Variants in MRNIP observed in about 807,000 individuals in gnomAD.
MRNIP encodes the protein MRN complex-interacting protein.
MRNIP carries 30 observed loss-of-function variants against 29.8 expected under a neutral mutation model. The observed-to-expected ratio is 1.01, with a 90% CI of 0.75 to 1.36. The LOEUF (loss-of-function observed/expected upper bound fraction) is 1.36. MRNIP is among the 40% of genes most tolerant of loss of function. The pLI is 0.00. For missense variants in MRNIP, 459 were observed against 423.5 expected (o/e 1.08, Z -0.74); for synonymous variants, 201 against 164.1 (o/e 1.23, Z -1.72).
chr5:179,846,276 G>C (rs1427979581), intron 3 of MRNIP: 1 of 151,534 alleles, frequency 6.6e-6, no homozygotes, highest in Non-Finnish European at 1.5e-5. Context: ...TTTTTCTTTG[G>C]GGATTCTTTT....
intron 1 of MRNIP, among the ~76,000 whole-genome samples, chr5:179,854,293 T>C (rs530100390): frequency 6.6e-6 from 1 of 152,360 alleles, no homozygotes; most frequent in South Asian, 2.1e-4. Flanking sequence ...GTGCTGGGAT[T>C]ACAGGCGTGA....
At chr5:179,852,109 C>T (rs181348604) in intron 2 of MRNIP, among the ~76,000 whole-genome samples, 13 of 151,954 alleles carry the variant, frequency 8.6e-5, no homozygotes, top group African/African-American at 2.4e-4. Flanking sequence ...GGTGAAACCC[C>T]GTCTCTATTA....
chr5:179,858,027 AG>A (rs1303507885), intron 1 of MRNIP, among the ~76,000 whole-genome samples: 59 of 55,522 alleles, frequency 1.1e-3, no homozygotes, highest in Admixed American at 2.1e-3. Context: ...AAAAAAAAAA[AG>A]AAGAAGAAGT....
At chr5:179,845,182 G>A (rs1004914041) in intron 3 of MRNIP, among the ~76,000 whole-genome samples, 1 of 151,200 alleles carries the variant, frequency 6.6e-6, no homozygotes, top group African/African-American at 2.5e-5. Context: ...TCTGTTTAAC[G>A]TGTCCACTGA....
intron 1 of MRNIP, among the ~76,000 whole-genome samples, chr5:179,854,310 AGG>A (rs1418976912): frequency 2.0e-5 from 3 of 152,284 alleles, no homozygotes; most frequent in South Asian, 2.1e-4. Flanking sequence ...GTGAGCCACC[AGG>A]GCTGGATCTG....
chr5:179,842,232 C>T (rs1758911125), intron 4 of MRNIP, among the ~76,000 whole-genome samples, 168 bp from the exon 5 acceptor site: 1 of 152,128 alleles, frequency 6.6e-6, no homozygotes, highest in African/African-American at 2.4e-5. Flanking sequence ...GCAATGCTGG[C>T]AGGACAGTGC....
chr5:179,857,973 T>C (rs1486091159), intron 1 of MRNIP, among the ~76,000 whole-genome samples: 1 of 145,514 alleles, frequency 6.9e-6, no homozygotes, highest in African/African-American at 2.7e-5. Flanking sequence ...ATCGCGCCAT[T>C]GCACTCCAGC....
rs937509590 is a variant in MRNIP at position 179,837,788 on chromosome 5, C to T, written c.635G>A (p.Gly212Glu). The T allele has an allele frequency of 2.5e-6, 4 of 1,614,028 alleles. No individual in the cohort carries two copies. Among genetic ancestry groups the T allele is most frequent in the Non-Finnish European group, 3.4e-6 (4 of 1,180,038 alleles). ...DCSAGELRGP[G>E]KELWSPIQQV... ...CTGGATGGGACTCCATAGCTCCTTC[C>T]CAGGACCCCTCAGCTCCCCGGCACT... is the stretch of plus-strand genomic sequence containing the variant. Residue 212 changes from glycine (G) to glutamate (E), a missense_variant, in exon 7 of 7, where the codon GGG becomes GAG. Transcript: ENST00000292586.
chr5:179,857,738 C>T (rs189497644), intron 1 of MRNIP, among the ~76,000 whole-genome samples: 7 of 152,312 alleles, frequency 4.6e-5, no homozygotes, highest in African/African-American at 1.7e-4. Flanking sequence ...CCACGCCGGG[C>T]ACAATGGCTC....
intron 1 of MRNIP, among the ~76,000 whole-genome samples, chr5:179,855,561 C>T (rs1255364060): frequency 6.6e-6 from 1 of 152,106 alleles, no homozygotes; most frequent in Non-Finnish European, 1.5e-5. Flanking sequence ...TTTATATGAG[C>T]AGACATCTAA....
chr5:179,857,567 T>C (rs1759647071), intron 1 of MRNIP, among the ~76,000 whole-genome samples: 1 of 152,210 alleles, frequency 6.6e-6, no homozygotes, highest in East Asian at 1.9e-4. Flanking sequence ...ATGATCTCCC[T>C]TTATTTGCAA....
intron 2 of MRNIP, 51 bp downstream of exon 2, chr5:179,853,327 G>A (rs772138448): frequency 3.1e-6 from 5 of 1,605,808 alleles, no homozygotes; most frequent in Non-Finnish European, 4.3e-6. Flanking sequence ...CTCCCTGGAA[G>A]GGCTCGCTGC....
At chr5:179,856,922 C>T (rs1251694332) in intron 1 of MRNIP, among the ~76,000 whole-genome samples, 1 of 151,932 alleles carries the variant, frequency 6.6e-6, no homozygotes, top group East Asian at 1.9e-4. Flanking sequence ...AAACCTCATT[C>T]CTACAAAAAA....
At position 179,857,190 on chromosome 5, in the gene MRNIP, C is replaced by A. The variant is rs150272559; in HGVS notation, c.66+1541G>T. ...GAGGCCGGGCGCAGTGGCTCACACC[C>A]GTAACACCAGCACTGTAATCCCAGC... On this transcript the variant is annotated intron_variant, in intron 1 of 6. Coordinates refer to ENST00000292586, the MANE Select transcript of MRNIP (RefSeq NM_016175.4). Among the ~76,000 whole-genome samples, 1,474 of 152,194 alleles carry A rather than the reference C, an allele frequency of 9.7e-3. 27 individuals carry two copies. The highest frequency in any genetic ancestry group is 0.034 in the African/African-American group (1,411 of 41,524).
intron 2 of MRNIP, among the ~76,000 whole-genome samples, chr5:179,848,871 C>G (rs529788784): frequency 7.2e-5 from 11 of 152,268 alleles, no homozygotes; most frequent in African/African-American, 2.4e-4. Context: ...GTGTGAAGAC[C>G]CTGAGCCTGA....
intron 2 of MRNIP, 30 bp downstream of exon 2, chr5:179,853,348 C>A (rs1759449255): frequency 1.5e-5 from 24 of 1,609,362 alleles, no homozygotes; most frequent in Non-Finnish European, 2.0e-5. Context: ...AGGCCTGCGC[C>A]CCACTTGCTT....
chr5:179,855,907 G>GTTTTTTT (rs1205010985), intron 1 of MRNIP, among the ~76,000 whole-genome samples: 1 of 111,018 alleles, frequency 9.0e-6, no homozygotes, highest in African/African-American at 3.4e-5. Context: ...AAGAAAAGTT[G>GTTTTTTT]TTTTTTTTTT....
chr5:179,841,793 C>T (rs1758889349), intron 5 of MRNIP, 114 bp downstream of exon 5: 1 of 1,162,952 alleles, frequency 8.6e-7, no homozygotes, highest in East Asian at 2.4e-5. Flanking sequence ...CCTGCTGGCA[C>T]TTGCCACCTA....
At chr5:179,850,026 C>T (rs183597770) in intron 2 of MRNIP, among the ~76,000 whole-genome samples, 1 of 151,984 alleles carries the variant, frequency 6.6e-6, no homozygotes, top group East Asian at 2.0e-4. Context: ...TCAGGTCCCG[C>T]TATCGCACAG....
Sources: allele counts gnomAD v4.1 joint callset (sites outside exome capture counted in the v4.1 genomes callset), GRCh38; gene constraint gnomAD v4.1.1; transcripts MANE v1.5; gene names NCBI Gene and HGNC (gene_info 2026-07-23, HGNC 2026-07-21).